HSPBAP1: variants seen among roughly 807,000 people sequenced by gnomAD.
HSPBAP1 encodes the protein HSPB1-associated protein 1.
In HSPBAP1, 27 loss-of-function variants were observed where a neutral mutation model predicts 45.2. The observed-to-expected ratio is 0.60, with a 90% CI of 0.44 to 0.82. The LOEUF is 0.82. Among genes scored for constraint, HSPBAP1 ranks in the 40% least tolerant of loss-of-function variants. The pLI is 0.00. For synonymous variants in HSPBAP1, 204 were observed against 202.7 expected, an observed-to-expected ratio of 1.01 and a Z score of -0.06; for missense variants, 510 against 590.9, an observed-to-expected ratio of 0.86 and a Z score of 1.42.
chr3:122,777,603 GTGAA>G, intron 2 of HSPBAP1, 114 bp downstream of exon 2: 1 of 672,280 alleles, frequency 1.5e-6, no homozygotes, highest in Non-Finnish European at 2.4e-6. Context: ...TGTATGTGCA[GTGAA>G]TGGTCAAAAA....
chr3:122,771,127 C>T (rs541474500), intron 2 of HSPBAP1, among the ~76,000 whole-genome samples: 30 of 152,242 alleles, frequency 2.0e-4, no homozygotes, highest in Middle Eastern at 3.4e-3. Flanking sequence ...AAATTACATA[C>T]GAGAACTGTT....
At chr3:122,790,671 G>A (rs9812646) in intron 1 of HSPBAP1, among the ~76,000 whole-genome samples, 66,146 of 152,022 alleles carry the variant, frequency 0.44, 15,627 homozygotes, top group South Asian at 0.55. Context: ...TTTGATAATG[G>A]AATAAGTTTG....
rs561705760 is a variant in HSPBAP1 at position 122,750,108 on chromosome 3, G to A, written c.825+2483C>T. On this transcript the variant is annotated intron_variant, in intron 6 of 7. Transcript: ENST00000306103. ...TCCTGCCTCAGCCTCCCGAATAGCC[G>A]GGATTACAGGTGCGTGCCACTATGC... Among the ~76,000 whole-genome samples, 84 of 151,006 alleles carry A rather than the reference G, an allele frequency of 5.6e-4. 4 individuals carry two copies. The highest frequency in any genetic ancestry group is 3.9e-4 in the East Asian group (2 of 5,082).
chr3:122,773,064 T>A (rs1165062681), intron 2 of HSPBAP1, among the ~76,000 whole-genome samples: 2 of 152,038 alleles, frequency 1.3e-5, no homozygotes, highest in African/African-American at 4.8e-5. Context: ...TTGCCCAGGC[T>A]GTTCTGGAAC....
chr3:122,760,862 T>A (rs570812570), intron 3 of HSPBAP1, among the ~76,000 whole-genome samples: 1 of 152,286 alleles, frequency 6.6e-6, no homozygotes, highest in South Asian at 2.1e-4. Context: ...TTCAGGCCAA[T>A]GACATTTTTG....
intron 1 of HSPBAP1, among the ~76,000 whole-genome samples, chr3:122,781,303 G>C (rs942820387): frequency 6.6e-6 from 1 of 152,238 alleles, no homozygotes; most frequent in Admixed American, 6.5e-5. Context: ...CTGCAATCCC[G>C]GCACCTCGGG....
rs758199745 is a variant in HSPBAP1 at position 122,759,225 on chromosome 3, T to C, written c.568A>G (p.Arg190Gly). 6.5e-7 allele frequency: 1 copy of C among 1,549,822 alleles called. No homozygotes were observed. Among genetic ancestry groups the C allele is most frequent in the Non-Finnish European group, 8.8e-7 (1 of 1,138,112 alleles). Residue 190 changes from arginine to glycine, a missense_variant and splice_region_variant, in exon 4 of 8, where the codon AGG becomes GGG. By Grantham distance (125) the Arg-to-Gly change is moderately radical. Coordinates refer to ENST00000306103, the MANE Select transcript of HSPBAP1 (RefSeq NM_024610.6). ...CACACACACACACACACACATTACC[T>C]TCCTTGTACCTGGAATACCAAGTTA... ...GCNLVFQVQGRKRWHLFPPED... is the reference protein window; with the variant it reads ...GCNLVFQVQGGKRWHLFPPED...
intron 1 of HSPBAP1, among the ~76,000 whole-genome samples, chr3:122,789,863 T>TC (rs902765500): frequency 5.1e-5 from 5 of 98,628 alleles, no homozygotes; most frequent in African/African-American, 1.8e-4. Flanking sequence ...TGCCAAAGCT[T>TC]CTTTTTTTTT....
Position 122,780,799 on chromosome 3 carries a change from G to T in HSPBAP1, c.65-2893C>A, listed in dbSNP as rs1208800290. Among the ~76,000 whole-genome samples the T allele has an allele frequency of 5.5e-5, 8 of 145,454 alleles. No homozygotes were observed. The East Asian group carries it at 1.7e-3, about 32-fold the overall frequency. ...CGGAGGGGCTCCTCACTTCTCAGAC[G>T]GGGCGGTTGCCAGGCAGAGGGTCTC... is the stretch of plus-strand genomic sequence containing the variant. On this transcript the variant is annotated intron_variant, in intron 1 of 7. Transcript: ENST00000306103.
chr3:122,777,738 A>C lies in HSPBAP1; in HGVS notation c.233T>G (p.Met78Arg). ...HGKQIRFRMGMKSMSTVPQFE... is the reference protein window; with the variant it reads ...HGKQIRFRMGRKSMSTVPQFE... ...AGTCATACCTGTGCTCATGCTTTTC[A>C]TCCCCATTCTGAATCGTATCTGCTT... Residue 78 changes from methionine (M) to arginine (R), a missense_variant, in exon 2 of 8, where the codon ATG becomes AGG. By Grantham distance (91) the Met-to-Arg change is moderately conservative. Coordinates refer to ENST00000306103, the MANE Select transcript of HSPBAP1 (RefSeq NM_024610.6). 6.2e-7 allele frequency: 1 copy of C among 1,613,742 alleles called. No homozygotes were observed. The highest frequency in any genetic ancestry group is 1.1e-5 in the South Asian group (1 of 91,026).
At chr3:122,792,854 A>G (rs1339033449) in intron 1 of HSPBAP1, among the ~76,000 whole-genome samples, 2 of 149,240 alleles carry the variant, frequency 1.3e-5, no homozygotes, top group Non-Finnish European at 3.0e-5. Context: ...CTGGTGACAG[A>G]GCGAGACTCC....
At chr3:122,767,293 C>G (rs1412126606) in intron 3 of HSPBAP1, among the ~76,000 whole-genome samples, 2 of 152,178 alleles carry the variant, frequency 1.3e-5, no homozygotes, top group African/African-American at 4.8e-5. Context: ...AATCCCAGCA[C>G]TTTGGGCGGC....
At chr3:122,769,939 A>T (rs1227114906) in intron 2 of HSPBAP1, among the ~76,000 whole-genome samples, 1 of 152,244 alleles carries the variant, frequency 6.6e-6, no homozygotes, top group Non-Finnish European at 1.5e-5. Context: ...CCTGGGCCTC[A>T]AAGTGCTGGG....
At chr3:122,751,107 G>A (rs1409178346) in intron 6 of HSPBAP1, among the ~76,000 whole-genome samples, 2 of 152,124 alleles carry the variant, frequency 1.3e-5, no homozygotes, top group Non-Finnish European at 2.9e-5. Context: ...GAGATATTTA[G>A]GATCGAGATC....
intron 1 of HSPBAP1, among the ~76,000 whole-genome samples, chr3:122,784,219 A>G (rs1487583561): frequency 1.1e-4 from 17 of 152,216 alleles, no homozygotes; most frequent in Admixed American, 1.1e-3. Context: ...GAAAAGCTAT[A>G]ATATATTCAT....
intron 2 of HSPBAP1, among the ~76,000 whole-genome samples, chr3:122,775,883 AATAG>A (rs1207816349): frequency 1.3e-5 from 2 of 152,362 alleles, no homozygotes; most frequent in Admixed American, 6.5e-5. Flanking sequence ...CCATCAACTG[AATAG>A]ATAAATAAAA....
chr3:122,772,570 T>G (rs1167243349), intron 2 of HSPBAP1, among the ~76,000 whole-genome samples: 1 of 152,026 alleles, frequency 6.6e-6, no homozygotes, highest in Non-Finnish European at 1.5e-5. Flanking sequence ...GAATAAAATT[T>G]CCAAATTTAG....
intron 1 of HSPBAP1, among the ~76,000 whole-genome samples, chr3:122,781,598 G>T (rs1935484867): frequency 6.6e-6 from 1 of 152,104 alleles, no homozygotes; most frequent in Non-Finnish European, 1.5e-5. Flanking sequence ...AGAACAGGTA[G>T]TTTTTTTAAC....
chr3:122,741,327 G>T, intron 6 of HSPBAP1: 2 of 564,076 alleles, frequency 3.5e-6, no homozygotes, highest in South Asian at 4.4e-5. Flanking sequence ...TCAAATTTAA[G>T]TATGTATTCT....
Sources: allele counts gnomAD v4.1 joint callset (sites outside exome capture counted in the v4.1 genomes callset), GRCh38; gene constraint gnomAD v4.1.1; transcripts MANE v1.5; gene names NCBI Gene and HGNC (gene_info 2026-07-23, HGNC 2026-07-21).